Variants in FBXW4 observed in about 807,000 individuals in gnomAD.
FBXW4 encodes F-box and WD repeat domain containing 4, also known as F-box/WD repeat-containing protein 4.
In FBXW4, 40 loss-of-function variants were observed where a neutral mutation model predicts 61.8. The ratio of observed to expected loss-of-function variants is 0.65; its 90% CI spans 0.50 to 0.84. FBXW4 has a LOEUF of 0.84. Ranked by LOEUF, FBXW4 falls within the 40% of genes least tolerant of loss-of-function variation. FBXW4 has a pLI of 0.00. For missense variants in FBXW4, 672 were observed against 753.8 expected (o/e 0.89, Z 1.27); for synonymous variants, 311 against 313.8 (o/e 0.99, Z 0.10).
At chr10:101,684,269 G>A (rs187986517) in intron 1 of FBXW4, among the ~76,000 whole-genome samples, 185 of 152,292 alleles carry the variant, frequency 1.2e-3, no homozygotes, top group Non-Finnish European at 2.2e-3. Context: ...GACTACAGGC[G>A]CCCGCCACCA....
chr10:101,619,986 C>T (rs2063855744), intron 6 of FBXW4, among the ~76,000 whole-genome samples: 1 of 152,206 alleles, frequency 6.6e-6, no homozygotes, highest in Non-Finnish European at 1.5e-5. Flanking sequence ...TGGGTGGCTA[C>T]AGCTTTGAAT....
intron 5 of FBXW4, among the ~76,000 whole-genome samples, chr10:101,632,233 A>T (rs1468973): frequency 6.6e-6 from 1 of 151,474 alleles, no homozygotes; most frequent in African/African-American, 2.4e-5. Context: ...CACACACGCA[A>T]CCCTCTCTCA....
At chr10:101,617,212 A>G (rs2063831959) in intron 6 of FBXW4, among the ~76,000 whole-genome samples, 1 of 152,168 alleles carries the variant, frequency 6.6e-6, no homozygotes, top group Non-Finnish European at 1.5e-5. Context: ...CATTTTACAG[A>G]TGAGAAAATG....
At chr10:101,622,140 A>G (rs2063871435) in intron 6 of FBXW4, among the ~76,000 whole-genome samples, 1 of 147,332 alleles carries the variant, frequency 6.8e-6, no homozygotes, top group Admixed American at 6.8e-5. Flanking sequence ...AAGACTGACT[A>G]TAGAATGGAT....
At chr10:101,642,236 C>T (rs1055496795) in intron 5 of FBXW4, among the ~76,000 whole-genome samples, 1 of 151,706 alleles carries the variant, frequency 6.6e-6, no homozygotes, top group African/African-American at 2.4e-5. Context: ...TGAATATATA[C>T]ACATTTAAAA....
intron 5 of FBXW4, among the ~76,000 whole-genome samples, chr10:101,631,667 G>T (rs185027627): frequency 1.4e-5 from 2 of 146,976 alleles, no homozygotes; most frequent in African/African-American, 2.5e-5. Flanking sequence ...TCGCTCTGTC[G>T]CCTAGGCTGG....
At chr10:101,616,571 C>A (rs1004181010) in intron 6 of FBXW4, among the ~76,000 whole-genome samples, 1 of 152,184 alleles carries the variant, frequency 6.6e-6, no homozygotes, top group African/African-American at 2.4e-5. Context: ...TTGACTGATT[C>A]TTCACTGACA....
At chr10:101,672,202 T>C (rs901576170) in intron 4 of FBXW4, among the ~76,000 whole-genome samples, 1 of 152,196 alleles carries the variant, frequency 6.6e-6, no homozygotes, top group African/African-American at 2.4e-5. Flanking sequence ...GTCAGCAAAG[T>C]TCCCACAGCA....
chr10:101,691,523 C>A (rs2064602777), intron 1 of FBXW4, among the ~76,000 whole-genome samples: 1 of 152,188 alleles, frequency 6.6e-6, no homozygotes. Flanking sequence ...AAAGCCATAT[C>A]ATTTGGCAAT....
At chr10:101,622,148 G>A (rs1210967282) in intron 6 of FBXW4, among the ~76,000 whole-genome samples, 2 of 133,186 alleles carry the variant, frequency 1.5e-5, no homozygotes, top group Admixed American at 7.6e-5. Flanking sequence ...CTATAGAATG[G>A]ATTTTTCAAA....
chr10:101,624,718 G>T (rs2063893674), intron 6 of FBXW4, 27 bp downstream of exon 6: 2 of 1,613,264 alleles, frequency 1.2e-6, no homozygotes, highest in African/African-American at 2.7e-5. Context: ...TGGACTGGAA[G>T]CCAGCATGGG....
intron 1 of FBXW4, among the ~76,000 whole-genome samples, chr10:101,692,075 A>T (rs2064610051): frequency 6.6e-6 from 1 of 152,166 alleles, no homozygotes; most frequent in Non-Finnish European, 1.5e-5. Flanking sequence ...AAGTCCTTGA[A>T]AAAGTACAGA....
intron 5 of FBXW4, among the ~76,000 whole-genome samples, chr10:101,641,333 CT>C (rs2064051543): frequency 6.6e-6 from 1 of 152,126 alleles, no homozygotes; most frequent in Non-Finnish European, 1.5e-5. Flanking sequence ...TACTATTTTT[CT>C]CTTTATCTTT....
At chr10:101,656,738 C>T (rs1460540705) in intron 5 of FBXW4, among the ~76,000 whole-genome samples, 1 of 152,118 alleles carries the variant, frequency 6.6e-6, no homozygotes, top group Non-Finnish European at 1.5e-5. Context: ...GGCCCAGAGA[C>T]GAGCCTAAAC....
chr10:101,667,251 C>T (rs1371819813), intron 5 of FBXW4, among the ~76,000 whole-genome samples: 1 of 148,944 alleles, frequency 6.7e-6, no homozygotes, highest in Admixed American at 6.7e-5. Flanking sequence ...AAAAACCAAA[C>T]ACCCCATTTC....
At chr10:101,661,513 C>T (rs988000542) in intron 5 of FBXW4, among the ~76,000 whole-genome samples, 2 of 152,196 alleles carry the variant, frequency 1.3e-5, no homozygotes, top group African/African-American at 4.8e-5. Flanking sequence ...GACATCCCCA[C>T]ACTGATCCCT....
chr10:101,661,311 C>G (rs1430784992), intron 5 of FBXW4, among the ~76,000 whole-genome samples: 1 of 152,216 alleles, frequency 6.6e-6, no homozygotes, highest in Non-Finnish European at 1.5e-5. Context: ...GCACATGAGC[C>G]TCCCTGTGCC....
chr10:101,645,931 C>T (rs1211566276), intron 5 of FBXW4, among the ~76,000 whole-genome samples: 1 of 152,122 alleles, frequency 6.6e-6, no homozygotes, highest in African/African-American at 2.4e-5. Context: ...GTTTAGTTAG[C>T]CTCTCTTGGG....
Position 101,611,336 on chromosome 10 carries a change from A to C in FBXW4, c.1659T>G (p.Ala553=). The C allele has an allele frequency of 6.2e-7, 1 of 1,614,154 alleles. No individual in the cohort carries two copies. The highest frequency in any genetic ancestry group is 8.5e-7 in the Non-Finnish European group (1 of 1,180,012). ...CLRLTTKHLY[A]ALSYNLHVLD... is the part of the protein sequence containing the mutation. ...GGACGTGGAGGTTGTAAGACAGGGC[A>C]GCATAGAGATGCTTGGTGGTGAGAC... The change falls in exon 9 of 9, where the codon GCT becomes GCG. Residue 553 remains alanine, a synonymous_variant. Transcript: ENST00000331272. The surrounding 1 kb of genome is among the most constrained non-coding windows in gnomAD (Gnocchi z 4.9).
Sources: gnomAD v4.1 joint callset for allele counts (sites outside exome capture counted in the v4.1 genomes callset) on GRCh38, gnomAD v4.1.1 for gene constraint, Gnocchi (gnomAD v3.1) non-coding constraint, MANE v1.5 for transcripts, NCBI Gene and HGNC (gene_info 2026-07-23, HGNC 2026-07-21) for gene names.